The following DGKH variants were observed in gnomAD, a reference collection of about 807,000 sequenced individuals.
DGKH encodes diacylglycerol kinase eta.
In DGKH, 90 loss-of-function variants were observed where a neutral mutation model predicts 159.3. That is an observed-to-expected ratio of 0.57 (90% CI 0.48 to 0.67). The LOEUF (loss-of-function observed/expected upper bound fraction) is 0.67, where lower values mean the gene tolerates loss of function less well. DGKH is among the 30% of genes least tolerant of loss of function. The pLI, the probability that DGKH is intolerant of heterozygous loss-of-function variation, is 0.00. For synonymous variants in DGKH, 536 were observed against 553.8 expected (o/e 0.97, Z 0.45); for missense variants, 1,181 against 1,506.1 (o/e 0.78, Z 3.57).
chr13:42,155,247 C>G (rs774146160), intron 3 of DGKH, 44 bp from the exon 4 acceptor site: 1 of 1,449,430 alleles, frequency 6.9e-7, no homozygotes, highest in Non-Finnish European at 9.4e-7. Flanking sequence ...AACAATCTTT[C>G]TCTTTGGGTA....
intron 1 of DGKH, among the ~76,000 whole-genome samples, chr13:42,059,992 G>A (rs1422431097): frequency 3.4e-5 from 5 of 149,234 alleles, no homozygotes; most frequent in Non-Finnish European, 5.9e-5. Context: ...TGCAAACTCC[G>A]CCTACCAGGT....
chr13:42,189,047 A>G lies in DGKH; in HGVS notation c.1650A>G (p.Leu550=), dbSNP rs1268836217. ...TATTTTCCTCTCAGTGTTCAGTCCT[A>G]AACGAGAAGCTCGAACAACTGCTGC... ...ADAVASKCSV[L]NEKLEQLLQA... The change falls in exon 15 of 30, where the codon CTA becomes CTG. Residue 550 remains leucine (L), a synonymous_variant. Coordinates refer to ENST00000337343, the MANE Select transcript of DGKH (RefSeq NM_178009.5). The G allele has an allele frequency of 1.2e-6, 2 of 1,614,188 alleles. No individual in the cohort carries two copies. Among genetic ancestry groups the G allele is most frequent in the African/African-American group, 2.7e-5 (2 of 75,058 alleles).
At chr13:42,161,408 G>A (rs1162046427) in intron 7 of DGKH, among the ~76,000 whole-genome samples, 2 of 152,168 alleles carry the variant, frequency 1.3e-5, no homozygotes, top group African/African-American at 2.4e-5. Context: ...CAGCACTTTG[G>A]GAGGCCAAGG....
At chr13:42,095,870 A>G (rs1594020550) in intron 1 of DGKH, among the ~76,000 whole-genome samples, 1 of 152,208 alleles carries the variant, frequency 6.6e-6, no homozygotes, top group African/African-American at 2.4e-5. Context: ...TAAAAACTTT[A>G]CATTTGCTTG....
At chr13:42,142,320 C>A (rs1189313568) in intron 3 of DGKH, among the ~76,000 whole-genome samples, 1 of 152,012 alleles carries the variant, frequency 6.6e-6, no homozygotes, top group Non-Finnish European at 1.5e-5. Context: ...AGTTTGAAGT[C>A]AGGTAGCGTG....
At chr13:42,175,101 C>G (rs1318815197) in intron 12 of DGKH, among the ~76,000 whole-genome samples, 1 of 152,148 alleles carries the variant, frequency 6.6e-6, no homozygotes, top group Admixed American at 6.5e-5. Flanking sequence ...GCTTATTTTT[C>G]CCTCCAGGAA....
intron 1 of DGKH, 149 bp from the exon 2 acceptor site, chr13:42,127,314 G>A (rs573027966): frequency 3.1e-6 from 2 of 641,988 alleles, no homozygotes; most frequent in African/African-American, 1.8e-5. Context: ...CATATGCAAA[G>A]CTGTGGTGAG....
At chr13:42,053,414 A>G (rs1881476350) in intron 1 of DGKH, among the ~76,000 whole-genome samples, 1 of 147,598 alleles carries the variant, frequency 6.8e-6, no homozygotes, top group Admixed American at 6.8e-5. Context: ...ATATATAACT[A>G]TATATGTAAC....
At chr13:42,126,391 A>G (rs1326878806) in intron 1 of DGKH, among the ~76,000 whole-genome samples, 1 of 152,126 alleles carries the variant, frequency 6.6e-6, no homozygotes, top group East Asian at 1.9e-4. Flanking sequence ...GGGGTCAGCC[A>G]GAGGGATATC....
chr13:42,126,219 G>A (rs654300), intron 1 of DGKH, among the ~76,000 whole-genome samples: 56,629 of 151,988 alleles, frequency 0.37, 10,986 homozygotes, highest in African/African-American at 0.45. Flanking sequence ...CACAATAAAC[G>A]TAGTAAATTA....
Position 42,048,911 on chromosome 13 carries a change from G to A in DGKH, c.138G>A (p.Glu46=). The stretch of plus-strand genomic sequence containing the variant: ...CGTCTGACAGCGAAGCGGAGCAAGA[G>A]GGACCCCAGAAACTGATCCGCAAAG... The part of the protein sequence containing the change: ...EDSSDSEAEQ[E]GPQKLIRKVS... The change falls in exon 1 of 30, where the codon GAG becomes GAA. Residue 46 remains glutamate, a synonymous_variant. Coordinates refer to ENST00000337343, the MANE Select transcript of DGKH (RefSeq NM_178009.5). The surrounding 1 kb of genome is among the most constrained non-coding windows in gnomAD (Gnocchi z 6.7). 1 of 1,356,974 alleles carries A rather than the reference G, an allele frequency of 7.4e-7. No individual in the cohort carries two copies. Among genetic ancestry groups the A allele is most frequent in the Non-Finnish European group, 9.5e-7 (1 of 1,047,752 alleles). The allele number at this position is 1,356,974 out of a possible 1,614,324, so 84.1% of individuals were successfully genotyped here.
intron 1 of DGKH, among the ~76,000 whole-genome samples, chr13:42,051,829 C>G (rs989926750): frequency 1.3e-5 from 2 of 151,898 alleles, no homozygotes; most frequent in Non-Finnish European, 2.9e-5. Flanking sequence ...CCACACCCAG[C>G]TAATTTTTTA....
At chr13:42,097,170 T>G (rs1954556073) in intron 1 of DGKH, among the ~76,000 whole-genome samples, 1 of 152,214 alleles carries the variant, frequency 6.6e-6, no homozygotes, top group African/African-American at 2.4e-5. Context: ...GTGGGCTTTT[T>G]GTATTCCCTT....
intron 14 of DGKH, 82 bp from the exon 15 acceptor site, chr13:42,188,954 T>A: frequency 6.8e-7 from 1 of 1,477,584 alleles, no homozygotes. Flanking sequence ...TTTCAAAACA[T>A]CTCTATAAAA....
intron 16 of DGKH, 145 bp from the exon 17 acceptor site, chr13:42,194,740 A>G: frequency 1.0e-6 from 1 of 955,554 alleles, no homozygotes. Flanking sequence ...TGTAAGTCTC[A>G]AGAAAATGTA....
chr13:42,226,191 A>G lies in DGKH; in HGVS notation c.3574-2908A>G, dbSNP rs117613169. Among the ~76,000 whole-genome samples the G allele has an allele frequency of 4.9e-3, 744 of 152,358 alleles. 19 individuals are homozygous for G. Among genetic ancestry groups the G allele is most frequent in the East Asian group, 0.044 (227 of 5,188 alleles). Reference sequence around the variant, plus strand: ...GACATGTGGCCAACAAACATATGAAAAAAAAGTTCAACATCAGTGATCATT... The same window carrying G: ...GACATGTGGCCAACAAACATATGAAGAAAAAGTTCAACATCAGTGATCATT... On this transcript the variant is annotated intron_variant, in intron 29 of 29. Transcript: ENST00000337343.
At position 42,219,826 on chromosome 13, in the gene DGKH, C is replaced by A. The variant is rs1475599582; in HGVS notation, c.3442+32C>A. ...GGTCCATATGGAAGGGGAAATATAACATTATGAAAAAAGAGCTGATTAAAG... is the reference window on the plus strand; with the variant it reads ...GGTCCATATGGAAGGGGAAATATAAAATTATGAAAAAAGAGCTGATTAAAG... On this transcript the variant is annotated intron_variant, in intron 28 of 29. Transcript: ENST00000337343. 8.9e-6 allele frequency: 14 copies of A among 1,581,258 alleles called. No individual in the cohort carries two copies. The East Asian group carries it at 2.5e-4, about 28-fold the overall frequency.
chr13:42,200,579 T>C (rs1179417622), intron 20 of DGKH, among the ~76,000 whole-genome samples: 6 of 152,226 alleles, frequency 3.9e-5, no homozygotes, highest in African/African-American at 1.4e-4. Context: ...TATCTTTTTG[T>C]AACTATATAT....
At chr13:42,049,017 A>G (rs1881016441) in intron 1 of DGKH, 52 bp downstream of exon 1, 1 of 1,069,252 alleles carries the variant, frequency 9.4e-7, no homozygotes, top group Non-Finnish European at 1.1e-6. Flanking sequence ...GGAGGTGGAG[A>G]GGGCGCGGGG....
Sources: allele counts gnomAD v4.1 joint callset (sites outside exome capture counted in the v4.1 genomes callset), GRCh38; gene constraint gnomAD v4.1.1; non-coding constraint Gnocchi (gnomAD v3.1); transcripts MANE v1.5; gene names NCBI Gene and HGNC (gene_info 2026-07-23, HGNC 2026-07-21).